Variants in PPP2R2B observed in about 807,000 individuals in gnomAD.
The protein encoded by PPP2R2B is protein phosphatase 2 regulatory subunit Bbeta.
Under a neutral mutation model 46.0 loss-of-function variants are expected in PPP2R2B, and 5 were observed. That is an observed-to-expected ratio of 0.11 (90% confidence interval 0.06 to 0.23). PPP2R2B has a LOEUF of 0.23. Among genes scored for constraint, PPP2R2B ranks in the 10% least tolerant of loss-of-function variants. The pLI, the probability that PPP2R2B is intolerant of heterozygous loss-of-function variation, is 1.00. For missense variants in PPP2R2B, 367 were observed against 575.0 expected, an observed-to-expected ratio of 0.64 and a Z score of 3.70; for synonymous variants, 215 against 206.7, an observed-to-expected ratio of 1.04 and a Z score of -0.34.
rs1758559166 is a variant in PPP2R2B, at chr5:146,826,040, G to T, written c.70+51962C>A. Among the ~76,000 whole-genome samples the T allele has an allele frequency of 3.3e-5, 5 of 152,156 alleles. No homozygotes were observed. The South Asian group carries it at 1.0e-3, about 32-fold the overall frequency. On this transcript the variant is annotated intron_variant, in intron 2 of 9. Transcript: ENST00000394411. Reference sequence around the variant, plus strand: ...TGAAAGAAAGTAGAGAAGTGTAGAAGCTGTAAAATTTATATCCGGTAAATA... The same window carrying T: ...TGAAAGAAAGTAGAGAAGTGTAGAATCTGTAAAATTTATATCCGGTAAATA...
intron 2 of PPP2R2B, among the ~76,000 whole-genome samples, chr5:147,063,575 A>G (rs900159891): frequency 6.6e-6 from 1 of 152,178 alleles, no homozygotes; most frequent in Non-Finnish European, 1.5e-5. Context: ...TAAATCCAGA[A>G]TGTGCTTCCT....
In PPP2R2B at chr5:146,777,575, G is replaced by A. The variant is rs564004702; in HGVS notation, c.71-76433C>T. Among the ~76,000 whole-genome samples, 166 of 152,124 alleles carry A rather than the reference G, an allele frequency of 1.1e-3. 1 individual carries two copies. Among genetic ancestry groups the A allele is most frequent in the African/African-American group, 3.9e-3 (161 of 41,522 alleles). On this transcript the variant is annotated intron_variant, in intron 2 of 9. Coordinates refer to ENST00000394411, the MANE Select transcript of PPP2R2B (RefSeq NM_181675.4). ...GCACAACACTGTGAATGTAATTAAC[G>A]CCACTAAATATGCACTTAAAAGTGG...
At chr5:146,630,906 GGTGA>G (rs1218848756) in intron 7 of PPP2R2B, among the ~76,000 whole-genome samples, 1 of 152,144 alleles carries the variant, frequency 6.6e-6, no homozygotes, top group Non-Finnish European at 1.5e-5. Context: ...ATATTTTATA[GGTGA>G]GTAAGTTGAA....
chr5:146,644,091 T>C lies in PPP2R2B; in HGVS notation c.626-5676A>G, dbSNP rs79481597. 4.4e-3 allele frequency among the ~76,000 whole-genome samples: 668 copies of C among 152,086 alleles called. 2 individuals are homozygous for C. Among genetic ancestry groups the C allele is most frequent in the African/African-American group, 0.015 (623 of 41,504 alleles). On this transcript the variant is annotated intron_variant, in intron 6 of 9. Transcript: ENST00000394411. ...TCTAACCTTTTAGCAGAGTAAGAGG[T>C]GAATTGTTTATTGCTAAAGTAATTT...
intron 2 of PPP2R2B, among the ~76,000 whole-genome samples, chr5:146,781,246 C>G (rs905767420): frequency 6.9e-6 from 1 of 144,448 alleles, no homozygotes; most frequent in Non-Finnish European, 1.5e-5. Flanking sequence ...CAAATCACAT[C>G]ATAACAGTAG....
intron 2 of PPP2R2B, among the ~76,000 whole-genome samples, chr5:146,719,905 C>T (rs1780702144): frequency 6.6e-6 from 1 of 152,020 alleles, no homozygotes; most frequent in Non-Finnish European, 1.5e-5. Context: ...CCCATATGGC[C>T]ATTCCTGACT....
intron 2 of PPP2R2B, among the ~76,000 whole-genome samples, chr5:146,801,649 G>C (rs1756874413): frequency 6.6e-6 from 1 of 152,048 alleles, no homozygotes; most frequent in African/African-American, 2.4e-5. Flanking sequence ...TAGGACCTTA[G>C]GCACTTATGT....
intron 4 of PPP2R2B, among the ~76,000 whole-genome samples, chr5:146,695,522 A>AGCAGTATATTTCCTAAC (rs1162085111): frequency 6.6e-6 from 1 of 152,214 alleles, no homozygotes; most frequent in Non-Finnish European, 1.5e-5. Context: ...CCTAACTATA[A>AGCAGTATATTTCCTAAC]TAAGATAAGC....
rs112228988 is a variant in PPP2R2B at position 146,668,389 on chromosome 5, A to G, written c.448-17665T>C. On this transcript the variant is annotated intron_variant, in intron 5 of 9. Coordinates refer to ENST00000394411, the MANE Select transcript of PPP2R2B (RefSeq NM_181675.4). ...TTATAATTGCCTTTCAATCTTCTTT[A>G]GGCAATGAACCCATTTATGTAATTC... Among the ~76,000 whole-genome samples the G allele has an allele frequency of 1.3e-3, 198 of 152,304 alleles. 1 individual carries two copies. Among genetic ancestry groups the G allele is most frequent in the African/African-American group, 4.6e-3 (192 of 41,582 alleles).
chr5:146,939,992 T>C (rs897961304), intron 1 of PPP2R2B, among the ~76,000 whole-genome samples: 2 of 152,160 alleles, frequency 1.3e-5, no homozygotes, highest in Non-Finnish European at 2.9e-5. Flanking sequence ...AATATTTACA[T>C]AGTATCTATC....
intron 2 of PPP2R2B, among the ~76,000 whole-genome samples, chr5:146,869,432 A>G (rs919808267): frequency 3.3e-5 from 5 of 152,242 alleles, no homozygotes; most frequent in African/African-American, 9.6e-5. Flanking sequence ...CTGTCATACT[A>G]TGGAGCACCG....
intron 7 of PPP2R2B, among the ~76,000 whole-genome samples, chr5:146,615,300 A>G (rs1271458571): frequency 4.5e-5 from 4 of 88,118 alleles, no homozygotes; most frequent in Non-Finnish European, 6.5e-5. Flanking sequence ...GGAATTGAAC[A>G]ATGAGATCAC....
At chr5:146,939,258 C>T (rs1036446388) in intron 1 of PPP2R2B, among the ~76,000 whole-genome samples, 1 of 151,988 alleles carries the variant, frequency 6.6e-6, no homozygotes, top group Admixed American at 6.6e-5. Flanking sequence ...AAAGTTGATA[C>T]CTAAAAGGAG....
chr5:146,813,073 T>C (rs249898), intron 2 of PPP2R2B, among the ~76,000 whole-genome samples: 24,948 of 149,716 alleles, frequency 0.17, 2,391 homozygotes, highest in African/African-American at 0.26. Context: ...TGGTGAATCA[T>C]CCAGCCAGGA....
intron 6 of PPP2R2B, among the ~76,000 whole-genome samples, chr5:146,647,596 A>G (rs758446690): frequency 8.5e-5 from 13 of 152,358 alleles, no homozygotes; most frequent in Middle Eastern, 3.4e-3. Context: ...ACACATCTGC[A>G]GAATATAACC....
intron 7 of PPP2R2B, among the ~76,000 whole-genome samples, chr5:146,624,147 T>G (rs1009314658): frequency 6.6e-6 from 1 of 152,194 alleles, no homozygotes; most frequent in Non-Finnish European, 1.5e-5. Flanking sequence ...GAAGAGATAC[T>G]GCAAACTTAC....
At chr5:146,962,231 T>C (rs769688971) in intron 1 of PPP2R2B, among the ~76,000 whole-genome samples, 3 of 150,552 alleles carry the variant, frequency 2.0e-5, no homozygotes, top group Non-Finnish European at 4.4e-5. Flanking sequence ...TCAGTTCAAA[T>C]TGATCATGCC....
At chr5:146,980,498 G>A (rs1394891140) in intron 1 of PPP2R2B, among the ~76,000 whole-genome samples, 1 of 152,116 alleles carries the variant, frequency 6.6e-6, no homozygotes, top group Non-Finnish European at 1.5e-5. Flanking sequence ...GAACAGAGCT[G>A]GAAGAAACAG....
At chr5:146,844,538 C>T (rs907017260) in intron 2 of PPP2R2B, among the ~76,000 whole-genome samples, 2 of 152,154 alleles carry the variant, frequency 1.3e-5, no homozygotes, top group African/African-American at 4.8e-5. Flanking sequence ...GAACAGCCAA[C>T]CATTTATCTG....
Sources: allele counts gnomAD v4.1 joint callset (sites outside exome capture counted in the v4.1 genomes callset), GRCh38; gene constraint gnomAD v4.1.1; transcripts MANE v1.5; gene names NCBI Gene and HGNC (gene_info 2026-07-23, HGNC 2026-07-21).